The following PPARGC1B variants were observed in gnomAD, a reference collection of about 807,000 sequenced individuals.
PPARGC1B encodes the protein PPARG coactivator 1 beta.
Under a neutral mutation model 101.6 loss-of-function variants are expected in PPARGC1B, and 34 were observed. The ratio of observed to expected loss-of-function variants is 0.33; its 90% CI spans 0.25 to 0.45. The LOEUF (loss-of-function observed/expected upper bound fraction) is 0.45. Among genes scored for constraint, PPARGC1B ranks in the 20% least tolerant of loss-of-function variants. The pLI, the probability that PPARGC1B is intolerant of heterozygous loss-of-function variation, is 1.00. For synonymous variants in PPARGC1B, 548 were observed against 539.3 expected, an observed-to-expected ratio of 1.02 and a Z score of -0.22; for missense variants, 1,234 against 1,317.6, an observed-to-expected ratio of 0.94 and a Z score of 0.98.
At position 149,845,708 on chromosome 5, in the gene PPARGC1B, A is replaced by G. The variant is rs899352631; in HGVS notation, c.2817-52A>G. 3.3e-6 allele frequency: 5 copies of G among 1,527,762 alleles called. No homozygotes were observed. The African/African-American group carries it at 4.1e-5, about 13-fold the overall frequency. The allele number at this position is 1,527,762 out of a possible 1,614,324, so 94.6% of individuals were successfully genotyped here. A position where few individuals can be genotyped will look rare whatever the true frequency, so the allele number is the denominator to read the frequency against. On this transcript the variant is annotated intron_variant, in intron 10 of 11. Coordinates refer to ENST00000309241, the MANE Select transcript of PPARGC1B (RefSeq NM_133263.4). ...CTCATCTAGTAATGGGTGGTCTCAC[A>G]GTGTCCACCCAGCCAGCCCAATAAC...
chr5:149,763,678 G>A (rs955224266), intron 1 of PPARGC1B, among the ~76,000 whole-genome samples: 1 of 151,836 alleles, frequency 6.6e-6, no homozygotes, highest in East Asian at 1.9e-4. Flanking sequence ...CTATAGGTGC[G>A]TGCCACTGCA....
Position 149,846,049 on chromosome 5 carries a change from A to T in PPARGC1B, c.2971+135A>T, listed in dbSNP as rs1759543200. The T allele has an allele frequency of 3.8e-6, 4 of 1,041,304 alleles. No individual in the cohort carries two copies. In the Admixed American group the frequency reaches 6.3e-5, roughly 16 times the overall value. 64.5% of individuals were successfully genotyped at this position (1,041,304 alleles called of 1,614,324 possible). A position where few individuals can be genotyped will look rare whatever the true frequency, so the allele number is the denominator to read the frequency against. On this transcript the variant is annotated intron_variant, in intron 11 of 11. Transcript: ENST00000309241. ...CCCACACCCCAGTGTGCTGCTTGGT[A>T]TAACTTTGCAGCCACTTTGCCTGAA...
At chr5:149,840,851 T>G (rs1759305044) in intron 9 of PPARGC1B, among the ~76,000 whole-genome samples, 1 of 152,220 alleles carries the variant, frequency 6.6e-6, no homozygotes, top group South Asian at 2.1e-4. Context: ...CCATGTGATG[T>G]GGCACTTCAG....
At chr5:149,753,038 T>C (rs1755375362) in intron 1 of PPARGC1B, among the ~76,000 whole-genome samples, 1 of 152,160 alleles carries the variant, frequency 6.6e-6, no homozygotes, top group Admixed American at 6.5e-5. Context: ...TGGGTTTTTA[T>C]TTTTTGTTTT....
chr5:149,846,358 G>A, intron 11 of PPARGC1B: 1 of 236,802 alleles, frequency 4.2e-6, no homozygotes, highest in Non-Finnish European at 8.1e-6. Context: ...ACTTGGCCAG[G>A]CTCAGTGGCT....
chr5:149,834,744 A>G lies in PPARGC1B; in HGVS notation c.1742+34A>G, dbSNP rs192601728. 403 of 1,597,646 alleles carry G rather than the reference A, an allele frequency of 2.5e-4. 1 individual carries two copies. The African/African-American group carries it at 4.3e-3, about 17-fold the overall frequency. On this transcript the variant is annotated intron_variant, in intron 6 of 11. Coordinates refer to ENST00000309241, the MANE Select transcript of PPARGC1B (RefSeq NM_133263.4). ...TTAGAAATTATTGGTGTATTGTTCC[A>G]TGAGATTTTGTCTTGTTGGATGTGT... is the stretch of plus-strand genomic sequence containing the variant.
intron 10 of PPARGC1B, 25 bp from the exon 11 acceptor site, chr5:149,845,733 CAT>C (rs1438283462): frequency 6.3e-7 from 1 of 1,577,468 alleles, no homozygotes; most frequent in Non-Finnish European, 8.6e-7. Flanking sequence ...AGCCCAATAA[CAT>C]ACTCTCCTTG....
At chr5:149,786,791 G>A (rs1756827463) in intron 1 of PPARGC1B, among the ~76,000 whole-genome samples, 1 of 152,222 alleles carries the variant, frequency 6.6e-6, no homozygotes, top group Non-Finnish European at 1.5e-5. Context: ...GGTAAAATGA[G>A]TAAGTGAATT....
At position 149,836,602 on chromosome 5, in the gene PPARGC1B, G is replaced by C. The variant is rs933835392; in HGVS notation, c.2147G>C (p.Gly716Ala). The C allele has an allele frequency of 7.4e-6, 12 of 1,613,752 alleles. No homozygotes were observed. Among genetic ancestry groups the C allele is most frequent in the East Asian group, 2.2e-5 (1 of 44,882 alleles). Residue 716 changes from glycine (G) to alanine (A), a missense_variant, in exon 8 of 12, where the codon GGG becomes GCG. Gly to Ala is a moderately conservative substitution (Grantham distance 60). Around this residue, in one of 3 missense-constraint regions of PPARGC1B, gnomAD observed 497 missense variants for 529.5 expected, o/e 0.94. Transcript: ENST00000309241. Reference sequence around the variant, plus strand: ...GTGCTGAGGTCCTGGGAGCCGTCTGGGGTTCACCTTGAGGACTGGCCCCAG... The same window carrying C: ...GTGCTGAGGTCCTGGGAGCCGTCTGCGGTTCACCTTGAGGACTGGCCCCAG... ...RKVLRSWEPS[G>A]VHLEDWPQQG...
chr5:149,754,785 T>C (rs1400110078), intron 1 of PPARGC1B, among the ~76,000 whole-genome samples: 1 of 142,508 alleles, frequency 7.0e-6, no homozygotes. Flanking sequence ...TTTTTTTTTT[T>C]TTTTTTTTTT....
intron 1 of PPARGC1B, among the ~76,000 whole-genome samples, chr5:149,808,469 A>T (rs1757680599): frequency 1.3e-5 from 2 of 152,012 alleles, no homozygotes; most frequent in Admixed American, 1.3e-4. Context: ...GGTAGAGCTG[A>T]TGTGTTGAAA....
At chr5:149,799,138 G>C (rs377678736) in intron 1 of PPARGC1B, among the ~76,000 whole-genome samples, 56 of 152,204 alleles carry the variant, frequency 3.7e-4, no homozygotes, top group African/African-American at 1.3e-3. Context: ...ATCCCTGTCT[G>C]TCTGTCCCTT....
chr5:149,829,685 A>G (rs1324882396), intron 3 of PPARGC1B, among the ~76,000 whole-genome samples: 2 of 150,050 alleles, frequency 1.3e-5, no homozygotes, highest in African/African-American at 4.9e-5. Flanking sequence ...TACAGTTTTT[A>G]TAGAAAAAAA....
chr5:149,738,130 G>A (rs1324248518), intron 1 of PPARGC1B, among the ~76,000 whole-genome samples: 1 of 152,206 alleles, frequency 6.6e-6, no homozygotes, highest in Non-Finnish European at 1.5e-5. Flanking sequence ...TAAGTGTTAG[G>A]ACATCACTCC....
chr5:149,825,316 G>A (rs1758473096), intron 2 of PPARGC1B, among the ~76,000 whole-genome samples: 1 of 152,264 alleles, frequency 6.6e-6, no homozygotes, highest in South Asian at 2.1e-4. Context: ...AGGAGCCTCT[G>A]TGTCCTCAAC....
At position 149,730,447 on chromosome 5, in the gene PPARGC1B, G is replaced by C. The variant is rs1341757002; in HGVS notation, c.78+27G>C. 4 of 1,515,236 alleles carry C rather than the reference G, an allele frequency of 2.6e-6. No homozygotes were observed. The highest frequency in any genetic ancestry group is 2.7e-5 in the East Asian group (1 of 37,062). 93.9% of individuals were successfully genotyped at this position (1,515,236 alleles called of 1,614,324 possible). On this transcript the variant is annotated intron_variant, in intron 1 of 11. Coordinates refer to ENST00000309241, the MANE Select transcript of PPARGC1B (RefSeq NM_133263.4). This position sits in a 1 kb window ranked among gnomAD's most constrained non-coding sequence, Gnocchi z 4.0. The stretch of plus-strand genomic sequence containing the variant: ...TACGGCCGGCTGGGGCTGCGGGCCC[G>C]GGGCCAGGGGTGCTGAGCTGCGGGG...
chr5:149,850,026 G>A lies in PPARGC1B; in HGVS notation c.*2468G>A, dbSNP rs1023717433. ...TAAGTTAAGTCCTGATTTACATCAA[G>A]GAGAGAACTGAGATAGGAAAGAACA... On this transcript the variant is annotated 3_prime_UTR_variant, in exon 12 of 12. Coordinates refer to ENST00000309241, the MANE Select transcript of PPARGC1B (RefSeq NM_133263.4). The A allele has an allele frequency of 3.9e-5, 6 of 152,226 alleles. No individual in the cohort carries two copies. The highest frequency in any genetic ancestry group is 7.3e-5 in the Non-Finnish European group (5 of 68,038). The allele number at this position is 152,226 out of a possible 1,614,324, so 9.4% of individuals were successfully genotyped here. A position where few individuals can be genotyped will look rare whatever the true frequency, so the allele number is the denominator to read the frequency against.
rs534558311 is a variant in PPARGC1B, at chr5:149,848,003, C to T, written c.*445C>T. 5.6e-6 allele frequency: 1 copy of T among 179,226 alleles called. No individual in the cohort carries two copies. The highest frequency in any genetic ancestry group is 1.4e-4 in the East Asian group (1 of 7,020). The allele number at this position is 179,226 out of a possible 1,614,324, so 11.1% of individuals were successfully genotyped here. A position where few individuals can be genotyped will look rare whatever the true frequency, so the allele number is the denominator to read the frequency against. On this transcript the variant is annotated 3_prime_UTR_variant, in exon 12 of 12. Transcript: ENST00000309241. ...TTTTAATTGAAAAAAAAAGTATATC[C>T]TTAAAATAATGTATTTATGGCTCAG...
At chr5:149,768,735 C>CA (rs1756014027) in intron 1 of PPARGC1B, among the ~76,000 whole-genome samples, 1 of 152,078 alleles carries the variant, frequency 6.6e-6, no homozygotes, top group Admixed American at 6.6e-5. Context: ...AGGCTGGTAT[C>CA]AAACTCCTGA....
Sources: allele counts gnomAD v4.1 joint callset (sites outside exome capture counted in the v4.1 genomes callset), GRCh38; gene constraint gnomAD v4.1.1; regional missense constraint gnomAD v4.1.1; non-coding constraint Gnocchi (gnomAD v3.1); transcripts MANE v1.5; gene names NCBI Gene and HGNC (gene_info 2026-07-23, HGNC 2026-07-21).